The following C11orf87 variants were observed in gnomAD, a reference collection of about 807,000 sequenced individuals.
The protein encoded by C11orf87 is chromosome 11 open reading frame 87.
C11orf87 carries 3 observed loss-of-function variants against 9.2 expected under a neutral mutation model. The observed-to-expected ratio is 0.33, with a 90% CI of 0.15 to 0.84. The LOEUF (loss-of-function observed/expected upper bound fraction) is 0.84, where lower values mean the gene tolerates loss of function less well. Among genes scored for constraint, C11orf87 ranks in the 40% least tolerant of loss-of-function variants. The probability of loss-of-function intolerance (pLI) is 0.55; values close to 1 mark genes in which losing one functional copy is unlikely to be tolerated. For synonymous variants in C11orf87, 124 were observed against 124.6 expected, an observed-to-expected ratio of 1.00 and a Z score of 0.03; for missense variants, 256 against 270.7, an observed-to-expected ratio of 0.95 and a Z score of 0.38.
At position 109,426,345 on chromosome 11, in the gene C11orf87, C is replaced by T. The variant is rs1860573134; in HGVS notation, c.*2118C>T. Reference sequence around the variant, plus strand: ...TGTCTACTTGGTCCAGACATATGTGCTCTTATCCAGAGGAAACATTACCTC... The same window carrying T: ...TGTCTACTTGGTCCAGACATATGTGTTCTTATCCAGAGGAAACATTACCTC... On this transcript the variant is annotated 3_prime_UTR_variant, in exon 2 of 2. Coordinates refer to ENST00000327419, the MANE Select transcript of C11orf87 (RefSeq NM_207645.4). 1 of 152,208 alleles carries T rather than the reference C, an allele frequency of 6.6e-6. No individual in the cohort carries two copies. The highest frequency in any genetic ancestry group is 2.4e-5 in the African/African-American group (1 of 41,462). 9.4% of individuals were successfully genotyped at this position (152,208 alleles called of 1,614,324 possible).
In C11orf87 at chr11:109,423,445, G is replaced by A; in HGVS notation, c.-189G>A. The A allele has an allele frequency of 1.7e-6, 1 of 599,484 alleles. No individual in the cohort carries two copies. The allele number at this position is 599,484 out of a possible 1,614,324, so 37.1% of individuals were successfully genotyped here. A position where few individuals can be genotyped will look rare whatever the true frequency, so the allele number is the denominator to read the frequency against. On this transcript the variant is annotated 5_prime_UTR_variant, in exon 2 of 2. Coordinates refer to ENST00000327419, the MANE Select transcript of C11orf87 (RefSeq NM_207645.4). The surrounding 1 kb of genome is among the most constrained non-coding windows in gnomAD (Gnocchi z 5.3). ...GGTGGTATCGGCGAGGATCTCTCGG[G>A]CGCCGCTCACTCCTTGGTCGCCTTG...
intron 1 of C11orf87, among the ~76,000 whole-genome samples, chr11:109,422,675 G>A (rs534339873): frequency 3.3e-3 from 502 of 151,804 alleles, no homozygotes; most frequent in African/African-American, 0.012. Context: ...ATGGGGAGGA[G>A]GGGGCCGTTT....
Position 109,423,672 on chromosome 11 carries a change from G to A in C11orf87, c.39G>A (p.Leu13=), listed in dbSNP as rs751462076. 6.2e-7 allele frequency: 1 copy of A among 1,607,752 alleles called. No homozygotes were observed. The highest frequency in any genetic ancestry group is 8.5e-7 in the Non-Finnish European group (1 of 1,179,732). ...ARAPKELRLA[L]PPCLLNRTFA... ...CGCCGAAGGAGCTGAGGCTGGCGTTGCCGCCGTGTCTCCTCAACCGGACCT... is the reference window on the plus strand; with the variant it reads ...CGCCGAAGGAGCTGAGGCTGGCGTTACCGCCGTGTCTCCTCAACCGGACCT... Residue 13 remains leucine (L), a synonymous_variant, in exon 2 of 2, where the codon TTG becomes TTA. Coordinates refer to ENST00000327419, the MANE Select transcript of C11orf87 (RefSeq NM_207645.4). This position sits in a 1 kb window ranked among gnomAD's most constrained non-coding sequence, Gnocchi z 5.3.
chr11:109,422,722 C>CTTTTTTTTTTTTT (rs772868114), intron 1 of C11orf87, among the ~76,000 whole-genome samples: 5 of 71,424 alleles, frequency 7.0e-5, no homozygotes, highest in African/African-American at 2.1e-4. Context: ...GCTTCAGCTG[C>CTTTTTTTTTTTTT]TTTTTTTTTT....
rs1860572814 is a variant in C11orf87, at chr11:109,426,321, G to T, written c.*2094G>T. ...CCCAAGCAACTCATTGTTCTAAATT[G>T]TCTACTTGGTCCAGACATATGTGCT... is the stretch of plus-strand genomic sequence containing the variant. On this transcript the variant is annotated 3_prime_UTR_variant, in exon 2 of 2. Transcript: ENST00000327419. 6.6e-6 allele frequency: 1 copy of T among 152,166 alleles called. No homozygotes were observed. The highest frequency in any genetic ancestry group is 1.5e-5 in the Non-Finnish European group (1 of 68,032). The allele number at this position is 152,166 out of a possible 1,614,324, so 9.4% of individuals were successfully genotyped here.
chr11:109,423,489 C>A lies in C11orf87; in HGVS notation c.-145C>A. 2 of 824,852 alleles carry A rather than the reference C, an allele frequency of 2.4e-6. No individual in the cohort carries two copies. 51.1% of individuals were successfully genotyped at this position (824,852 alleles called of 1,614,324 possible). A position where few individuals can be genotyped will look rare whatever the true frequency, so the allele number is the denominator to read the frequency against. ...CGCCTTGCTTGCCAGCAGTTGCTCC[C>A]TTAGTCCTTGGCTCGCTCGCACACC... On this transcript the variant is annotated 5_prime_UTR_variant, in exon 2 of 2. Coordinates refer to ENST00000327419, the MANE Select transcript of C11orf87 (RefSeq NM_207645.4). This position sits in a 1 kb window ranked among gnomAD's most constrained non-coding sequence, Gnocchi z 5.3.
rs889489849 is a variant in C11orf87 at position 109,424,838 on chromosome 11, T to C, written c.*611T>C. The C allele has an allele frequency of 6.0e-6, 1 of 167,154 alleles. No individual in the cohort carries two copies. The highest frequency in any genetic ancestry group is 2.4e-5 in the African/African-American group (1 of 41,434). 10.4% of individuals were successfully genotyped at this position (167,154 alleles called of 1,614,324 possible). Reference sequence around the variant, plus strand: ...CAGGACTGCAAGAGGCCATAGAGAATAGTCCCCGGAAAGTGTTTATGACAG... The same window carrying C: ...CAGGACTGCAAGAGGCCATAGAGAACAGTCCCCGGAAAGTGTTTATGACAG... On this transcript the variant is annotated 3_prime_UTR_variant, in exon 2 of 2. Coordinates refer to ENST00000327419, the MANE Select transcript of C11orf87 (RefSeq NM_207645.4). The surrounding 1 kb of genome is among the most constrained non-coding windows in gnomAD (Gnocchi z 4.7).
In C11orf87 at chr11:109,425,917, C is replaced by T. The variant is rs1388287643; in HGVS notation, c.*1690C>T. The T allele has an allele frequency of 6.6e-6, 1 of 152,110 alleles. No homozygotes were observed. Among genetic ancestry groups the T allele is most frequent in the African/African-American group, 2.4e-5 (1 of 41,414 alleles). 9.4% of individuals were successfully genotyped at this position (152,110 alleles called of 1,614,324 possible). On this transcript the variant is annotated 3_prime_UTR_variant, in exon 2 of 2. Transcript: ENST00000327419. ...TTGTTTAGTTACAAATCTGTGCCTG[C>T]AGCAAAAGAAAGGCTCTCTTTCTCA...
rs1415205686 is a variant in C11orf87 at position 109,423,443 on chromosome 11, G to A, written c.-191G>A. The A allele has an allele frequency of 1.0e-5, 6 of 596,936 alleles. No individual in the cohort carries two copies. Among genetic ancestry groups the A allele is most frequent in the Non-Finnish European group, 8.8e-6 (3 of 340,998 alleles). The allele number at this position is 596,936 out of a possible 1,614,324, so 37.0% of individuals were successfully genotyped here. A position where few individuals can be genotyped will look rare whatever the true frequency, so the allele number is the denominator to read the frequency against. The stretch of plus-strand genomic sequence containing the variant: ...GAGGTGGTATCGGCGAGGATCTCTC[G>A]GGCGCCGCTCACTCCTTGGTCGCCT... On this transcript the variant is annotated 5_prime_UTR_variant, in exon 2 of 2. Transcript: ENST00000327419. This position sits in a 1 kb window ranked among gnomAD's most constrained non-coding sequence, Gnocchi z 5.3.
intron 1 of C11orf87, among the ~76,000 whole-genome samples, chr11:109,422,504 C>T (rs570197916): frequency 2.2e-4 from 34 of 152,306 alleles, no homozygotes; most frequent in African/African-American, 7.9e-4. Context: ...GCGGGTCTAC[C>T]GGCTCCAGTA....
Position 109,426,201 on chromosome 11 carries a change from T to C in C11orf87, c.*1974T>C, listed in dbSNP as rs1382596140. 2.0e-5 allele frequency: 3 copies of C among 152,142 alleles called. No homozygotes were observed. Among genetic ancestry groups the C allele is most frequent in the Admixed American group, 6.6e-5 (1 of 15,262 alleles). 9.4% of individuals were successfully genotyped at this position (152,142 alleles called of 1,614,324 possible). Reference sequence around the variant, plus strand: ...GACAGCTATTCAAATTTTTGGAAAATGTATGAATGAAAGTGATCTGCAAAA... The same window carrying C: ...GACAGCTATTCAAATTTTTGGAAAACGTATGAATGAAAGTGATCTGCAAAA... On this transcript the variant is annotated 3_prime_UTR_variant, in exon 2 of 2. Transcript: ENST00000327419.
In C11orf87 at chr11:109,427,915, G is replaced by A. The variant is rs2134832770; in HGVS notation, c.*3688G>A. ...GAATGAGATGGAAACCAAAATAGTT[G>A]TTCCATCCTCTTACCCAAAGAGGAT... On this transcript the variant is annotated 3_prime_UTR_variant, in exon 2 of 2. Transcript: ENST00000327419. The A allele has an allele frequency of 6.6e-6, 1 of 152,034 alleles. No individual in the cohort carries two copies. Among genetic ancestry groups the A allele is most frequent in the East Asian group, 1.9e-4 (1 of 5,178 alleles). The allele number at this position is 152,034 out of a possible 1,614,324, so 9.4% of individuals were successfully genotyped here.
At position 109,428,449 on chromosome 11, in the gene C11orf87, C is replaced by T. The variant is rs1041885938; in HGVS notation, c.*4222C>T. On this transcript the variant is annotated 3_prime_UTR_variant, in exon 2 of 2. Coordinates refer to ENST00000327419, the MANE Select transcript of C11orf87 (RefSeq NM_207645.4). ...TATTTTTTTATCATGTAGACATATG[C>T]TTTCATGCTTTTCTGTGGGTGAAAG... 2 of 152,114 alleles carry T rather than the reference C, an allele frequency of 1.3e-5. No homozygotes were observed. The highest frequency in any genetic ancestry group is 4.1e-4 in the South Asian group (2 of 4,830). 9.4% of individuals were successfully genotyped at this position (152,114 alleles called of 1,614,324 possible).
chr11:109,424,005 C>T lies in C11orf87; in HGVS notation c.372C>T (p.Thr124=), dbSNP rs778314789. 36 of 1,613,902 alleles carry T rather than the reference C, an allele frequency of 2.2e-5. No homozygotes were observed. Among genetic ancestry groups the T allele is most frequent in the Non-Finnish European group, 2.7e-5 (32 of 1,179,974 alleles). Residue 124 remains threonine (T), a synonymous_variant, in exon 2 of 2, where the codon ACC becomes ACT. Coordinates refer to ENST00000327419, the MANE Select transcript of C11orf87 (RefSeq NM_207645.4). The surrounding 1 kb of genome is among the most constrained non-coding windows in gnomAD (Gnocchi z 4.7). ...GLPRPGRQAP[T]HAKETRLERQ... ...CCCGACCTGGCAGGCAGGCCCCAACCCACGCAAAGGAAACCCGGCTGGAGA... is the reference window on the plus strand; with the variant it reads ...CCCGACCTGGCAGGCAGGCCCCAACTCACGCAAAGGAAACCCGGCTGGAGA...
rs780574996 is a variant in C11orf87, at chr11:109,423,776, C to T, written c.143C>T (p.Thr48Met). ...GCAGTAGGCAGCGGCACCTGCATCA[C>T]GCAGGTGGGACAGCAGCTCTTCCAG... ...PGAVGSGTCITQVGQQLFQSF... is the reference protein window; with the variant it reads ...PGAVGSGTCIMQVGQQLFQSF... The change falls in exon 2 of 2, where the codon ACG becomes ATG. Residue 48 changes from threonine to methionine, a missense_variant. Thr to Met is a moderately conservative substitution (Grantham distance 81). Transcript: ENST00000327419. This position sits in a 1 kb window ranked among gnomAD's most constrained non-coding sequence, Gnocchi z 5.3. 6 of 1,614,004 alleles carry T rather than the reference C, an allele frequency of 3.7e-6. No individual in the cohort carries two copies. The highest frequency in any genetic ancestry group is 4.2e-6 in the Non-Finnish European group (5 of 1,179,888).
rs898746365 is a variant in C11orf87, at chr11:109,428,002, C to G, written c.*3775C>G. The G allele has an allele frequency of 1.3e-5, 2 of 152,004 alleles. No homozygotes were observed. Among genetic ancestry groups the G allele is most frequent in the Non-Finnish European group, 2.9e-5 (2 of 67,952 alleles). The allele number at this position is 152,004 out of a possible 1,614,324, so 9.4% of individuals were successfully genotyped here. ...TGGGGTCAAATCTGAATGACTTTCT[C>G]TTTAATAATGAAAGGGGAGAGTCCT... On this transcript the variant is annotated 3_prime_UTR_variant, in exon 2 of 2. Coordinates refer to ENST00000327419, the MANE Select transcript of C11orf87 (RefSeq NM_207645.4).
rs377452428 is a variant in C11orf87 at position 109,427,606 on chromosome 11, G to A, written c.*3379G>A. On this transcript the variant is annotated 3_prime_UTR_variant, in exon 2 of 2. Coordinates refer to ENST00000327419, the MANE Select transcript of C11orf87 (RefSeq NM_207645.4). ...TATTTTAAGGATTTTATTCACTGAT[G>A]TCCCGTCAAACTAAATGCTTCAAAC... The A allele has an allele frequency of 2.6e-5, 4 of 152,084 alleles. No homozygotes were observed. Among genetic ancestry groups the A allele is most frequent in the African/African-American group, 9.7e-5 (4 of 41,440 alleles). 9.4% of individuals were successfully genotyped at this position (152,084 alleles called of 1,614,324 possible).
In C11orf87 at chr11:109,426,842, A is replaced by G. The variant is rs766606325; in HGVS notation, c.*2615A>G. 1 of 152,234 alleles carries G rather than the reference A, an allele frequency of 6.6e-6. No homozygotes were observed. The highest frequency in any genetic ancestry group is 2.4e-5 in the African/African-American group (1 of 41,470). 9.4% of individuals were successfully genotyped at this position (152,234 alleles called of 1,614,324 possible). On this transcript the variant is annotated 3_prime_UTR_variant, in exon 2 of 2. Coordinates refer to ENST00000327419, the MANE Select transcript of C11orf87 (RefSeq NM_207645.4). ...GCTTCATCATTTCCAATGAGCTCCAATAAGTGCATGGATATTACTTTCTTT... is the reference window on the plus strand; with the variant it reads ...GCTTCATCATTTCCAATGAGCTCCAGTAAGTGCATGGATATTACTTTCTTT...
Position 109,423,627 on chromosome 11 carries a change from C to T in C11orf87, c.-7C>T. The T allele has an allele frequency of 1.9e-6, 3 of 1,590,916 alleles. No homozygotes were observed. Among genetic ancestry groups the T allele is most frequent in the South Asian group, 2.2e-5 (2 of 89,600 alleles). On this transcript the variant is annotated 5_prime_UTR_variant, in exon 2 of 2. Transcript: ENST00000327419. This position sits in a 1 kb window ranked among gnomAD's most constrained non-coding sequence, Gnocchi z 5.3. ...TAGTGGGCCTGGCCCCTCCCAGCCC[C>T]GCGCCAATGAGTGCCAGGGCGCCGA...
Sources: gnomAD v4.1 joint callset for allele counts (sites outside exome capture counted in the v4.1 genomes callset) on GRCh38, gnomAD v4.1.1 for gene constraint, Gnocchi (gnomAD v3.1) non-coding constraint, MANE v1.5 for transcripts, NCBI Gene and HGNC (gene_info 2026-07-23, HGNC 2026-07-21) for gene names.